The following TRPM2 variants were observed in gnomAD, a reference collection of about 807,000 sequenced individuals.
TRPM2 encodes transient receptor potential cation channel subfamily M member 2.
A neutral mutation model predicts 174.0 loss-of-function variants in TRPM2; 161 were observed. The observed-to-expected ratio is 0.93, with a 90% confidence interval of 0.81 to 1.05. The LOEUF (loss-of-function observed/expected upper bound fraction) is 1.05, where lower values mean the gene tolerates loss of function less well. Ranked by LOEUF, TRPM2 falls within the 50% of genes least tolerant of loss-of-function variation. The pLI, the probability that TRPM2 is intolerant of heterozygous loss-of-function variation, is 0.00. For synonymous variants in TRPM2, 954 were observed against 861.3 expected (o/e 1.11, Z -1.88); for missense variants, 2,057 against 2,038.0 (o/e 1.01, Z -0.18).
In TRPM2 at chr21:44,437,177, C is replaced by T; in HGVS notation, c.4167+10C>T. 6.5e-7 allele frequency: 1 copy of T among 1,549,606 alleles called. No individual in the cohort carries two copies. Among genetic ancestry groups the T allele is most frequent in the Non-Finnish European group, 8.7e-7 (1 of 1,145,804 alleles). ...CTGGGCCCTGCCTGGGGTAAGGCTG[C>T]CGCGTGTGGGACCTCTGTCCACTGG... On this transcript the variant is annotated intron_variant, in intron 29 of 31. Coordinates refer to ENST00000397928, the MANE Select transcript of TRPM2 (RefSeq NM_003307.4).
chr21:44,407,873 T>A (rs1032985297), intron 19 of TRPM2, among the ~76,000 whole-genome samples: 13 of 151,554 alleles, frequency 8.6e-5, no homozygotes, highest in African/African-American at 2.4e-4. Context: ...TTCCTTTTTT[T>A]TAAAAAAAAT....
intron 17 of TRPM2, 97 bp downstream of exon 17, chr21:44,405,357 G>T: frequency 1.3e-6 from 2 of 1,548,996 alleles, no homozygotes; most frequent in East Asian, 2.3e-5. Context: ...ACCGGGTGAG[G>T]CTCAGCTCGT....
In TRPM2 at chr21:44,376,566, G is replaced by C. The variant is rs954827818; in HGVS notation, c.952+553G>C. 6.6e-6 allele frequency among the ~76,000 whole-genome samples: 1 copy of C among 152,156 alleles called. No individual in the cohort carries two copies. The highest frequency in any genetic ancestry group is 1.5e-5 in the Non-Finnish European group (1 of 68,018). Reference sequence around the variant, plus strand: ...TGGCCCTACAATTATTTTAAACCTTGATCATGGTCTGCTCTCAGGTTCAGA... The same window carrying C: ...TGGCCCTACAATTATTTTAAACCTTCATCATGGTCTGCTCTCAGGTTCAGA... On this transcript the variant is annotated intron_variant, in intron 6 of 31. Transcript: ENST00000397928. The surrounding 1 kb of genome is among the most constrained non-coding windows in gnomAD (Gnocchi z 4.2).
At chr21:44,377,903 G>A in intron 7 of TRPM2, 130 bp downstream of exon 7, 1 of 1,087,422 alleles carries the variant, frequency 9.2e-7, no homozygotes, top group East Asian at 2.6e-5. Flanking sequence ...ACCAGAAGAA[G>A]AGAAAGAGCA....
At chr21:44,363,759 G>GATTTT (rs1180050095) in intron 2 of TRPM2, among the ~76,000 whole-genome samples, 1 of 152,098 alleles carries the variant, frequency 6.6e-6, no homozygotes, top group Admixed American at 6.5e-5. Context: ...TGATAGTTTA[G>GATTTT]ATTTTATGTT....
At chr21:44,413,261 A>G (rs969770287) in intron 19 of TRPM2, among the ~76,000 whole-genome samples, 4 of 137,238 alleles carry the variant, frequency 2.9e-5, no homozygotes, top group African/African-American at 1.1e-4. Context: ...TTTTTGAGAC[A>G]GACATTTGCT....
chr21:44,381,697 A>C (rs2048883431), intron 8 of TRPM2, among the ~76,000 whole-genome samples: 1 of 152,184 alleles, frequency 6.6e-6, no homozygotes, highest in Non-Finnish European at 1.5e-5. Context: ...ACTTGAGGTC[A>C]GGAGTTTGAG....
rs373389831 is a variant in TRPM2, at chr21:44,423,716, C to A, written c.3533C>A (p.Ala1178Asp). Residue 1178 changes from alanine (A) to aspartate (D), a missense_variant, in exon 23 of 32, where the codon GCC (alanine) becomes GAC (aspartate). Physicochemically the swap from Ala to Asp is moderately radical, Grantham distance 126. Transcript: ENST00000397928. ...TCGGGCTCCATGGAGCAGAGGTTGG[C>A]CTCCCTGGAGGAGCAGGTGGGTCCG... Reference protein sequence around the residue: ...KRSGSMEQRLASLEEQVAQTA... With the variant: ...KRSGSMEQRLDSLEEQVAQTA... 9 of 1,609,280 alleles carry A rather than the reference C, an allele frequency of 5.6e-6. No individual in the cohort carries two copies. In the East Asian group the frequency reaches 6.7e-5, roughly 12 times the overall value.
In TRPM2 at chr21:44,405,988, T is replaced by C; in HGVS notation, c.2741T>C (p.Phe914Ser). ...ILFCLRLMHI[F>S]TISKTLGPKI... is the part of the protein sequence containing the mutation. ...TTCTGCCTCCGGCTCATGCACATTT[T>C]TACCATCAGTAAGACGCTGGGGCCC... is the stretch of plus-strand genomic sequence containing the variant. The change falls in exon 18 of 32, where the codon TTT becomes TCT. Residue 914 changes from phenylalanine to serine, a missense_variant. Coordinates refer to ENST00000397928, the MANE Select transcript of TRPM2 (RefSeq NM_003307.4). The C allele has an allele frequency of 6.2e-7, 1 of 1,608,914 alleles. No homozygotes were observed. The highest frequency in any genetic ancestry group is 8.5e-7 in the Non-Finnish European group (1 of 1,179,776).
At chr21:44,351,035 C>T (rs1241653386), upstream of TRPM2, among the ~76,000 whole-genome samples, 3 of 151,868 alleles carry the variant, frequency 2.0e-5, no homozygotes, top group Non-Finnish European at 4.4e-5. Flanking sequence ...GCAGGGAGGC[C>T]ACACGGTGTA....
intron 19 of TRPM2, among the ~76,000 whole-genome samples, chr21:44,409,857 C>T (rs1209669902): frequency 1.3e-5 from 2 of 148,448 alleles, no homozygotes; most frequent in African/African-American, 5.0e-5. Context: ...AAGTTTTGAC[C>T]ACACTGTCTT....
At chr21:44,351,132 A>T (rs2047920477), upstream of TRPM2, among the ~76,000 whole-genome samples, 1 of 152,120 alleles carries the variant, frequency 6.6e-6, no homozygotes, top group Non-Finnish European at 1.5e-5. Context: ...TTCCCCGGGG[A>T]ATCTGCTGGG....
At chr21:44,397,108 G>A (rs1025781835) in intron 12 of TRPM2, among the ~76,000 whole-genome samples, 4 of 151,036 alleles carry the variant, frequency 2.6e-5, no homozygotes, top group East Asian at 2.0e-4. Context: ...GCACAATCTC[G>A]GCTCACTGCA....
intron 2 of TRPM2, among the ~76,000 whole-genome samples, chr21:44,363,703 G>T (rs2048279397): frequency 6.6e-6 from 1 of 152,128 alleles, no homozygotes; most frequent in Non-Finnish European, 1.5e-5. Flanking sequence ...TCCTGGTTGA[G>T]ATTTTCCTGT....
intron 19 of TRPM2, among the ~76,000 whole-genome samples, chr21:44,412,693 G>A (rs1311372271): frequency 2.0e-5 from 3 of 151,490 alleles, no homozygotes; most frequent in Non-Finnish European, 4.4e-5. Context: ...TTAGCTGCAG[G>A]GTTTTTGTAA....
intron 4 of TRPM2, 67 bp from the exon 5 acceptor site, chr21:44,369,110 G>C: frequency 7.2e-7 from 1 of 1,395,198 alleles, no homozygotes. Context: ...GGGCTCAGGC[G>C]TCAGGCTCCT....
At chr21:44,356,706 G>A (rs1158576173) in intron 2 of TRPM2, among the ~76,000 whole-genome samples, 4 of 152,248 alleles carry the variant, frequency 2.6e-5, no homozygotes, top group African/African-American at 9.6e-5. Context: ...GCCTCCCAAA[G>A]TGCTGGGATT....
intron 27 of TRPM2, among the ~76,000 whole-genome samples, chr21:44,430,150 T>C (rs1035475641): frequency 6.6e-6 from 1 of 152,218 alleles, no homozygotes; most frequent in Non-Finnish European, 1.5e-5. Flanking sequence ...CTGGAGTTAA[T>C]TTACTAACAT....
At chr21:44,425,597 G>T (rs1043428071) in intron 24 of TRPM2, 73 bp from the exon 25 acceptor site, 2 of 1,415,982 alleles carry the variant, frequency 1.4e-6, no homozygotes, top group African/African-American at 1.5e-5. Flanking sequence ...GACCACAGAG[G>T]AAGTCCTTGT....
Sources: gnomAD v4.1 joint callset for allele counts (sites outside exome capture counted in the v4.1 genomes callset) on GRCh38, gnomAD v4.1.1 for gene constraint, Gnocchi (gnomAD v3.1) non-coding constraint, MANE v1.5 for transcripts, NCBI Gene and HGNC (gene_info 2026-07-23, HGNC 2026-07-21) for gene names.